CNKSR1: variants seen among roughly 807,000 people sequenced by gnomAD.
CNKSR1 encodes the protein connector enhancer of kinase suppressor of Ras 1, also known as CNK homolog protein 1.
Under a neutral mutation model 95.6 loss-of-function variants are expected in CNKSR1, and 88 were observed. That is an observed-to-expected ratio of 0.92 (90% CI 0.78 to 1.10). The LOEUF (loss-of-function observed/expected upper bound fraction) is 1.10, where lower values mean the gene tolerates loss of function less well. CNKSR1 is among the 50% of genes least tolerant of loss of function. The pLI is 0.00. For synonymous variants in CNKSR1, 355 were observed against 369.7 expected (o/e 0.96, Z 0.46); for missense variants, 836 against 912.0 (o/e 0.92, Z 1.07).
chr1:26,177,544 G>T lies in CNKSR1; in HGVS notation c.-4G>T, dbSNP rs372083929. On this transcript the variant is annotated 5_prime_UTR_variant, in exon 1 of 21. Transcript: ENST00000361530. ...GAGCTGATTCGAGCTGGCAGAGCTG[G>T]GCCATGGAACCGGTAGAGACCTGGA... is the stretch of plus-strand genomic sequence containing the variant. 5.6e-6 allele frequency: 9 copies of T among 1,614,110 alleles called. No individual in the cohort carries two copies. In the South Asian group the frequency reaches 6.6e-5, roughly 12 times the overall value.
Position 26,183,360 on chromosome 1 carries a change from C to G in CNKSR1, c.699C>G (p.Ser233=). The part of the protein sequence containing the change: ...SQVDTQVPTD[S]RLQIQPGDEV... ...CCCCACGTCAGGTTCCCACTGACTC[C>G]CGACTGCAGATCCAGCCTGGAGACG... The change falls in exon 8 of 21, where the codon TCC becomes TCG. Residue 233 remains serine, a synonymous_variant. Transcript: ENST00000361530. The G allele has an allele frequency of 6.2e-7, 1 of 1,614,178 alleles. No homozygotes were observed. The highest frequency in any genetic ancestry group is 8.5e-7 in the Non-Finnish European group (1 of 1,180,026).
chr1:26,177,641 G>A (rs777462028), intron 1 of CNKSR1, 42 bp downstream of exon 1: 3 of 1,608,454 alleles, frequency 1.9e-6, no homozygotes, highest in Non-Finnish European at 2.6e-6. Flanking sequence ...AGGGGACTAG[G>A]TGTGGTGTCC....
At position 26,185,169 on chromosome 1, in the gene CNKSR1, T is replaced by A; in HGVS notation, c.1291T>A (p.Trp431Arg). 6.4e-7 allele frequency: 1 copy of A among 1,558,122 alleles called. No homozygotes were observed. Among genetic ancestry groups the A allele is most frequent in the Non-Finnish European group, 8.7e-7 (1 of 1,151,114 alleles). Residue 431 changes from tryptophan to arginine, a missense_variant, in exon 14 of 21, where the codon TGG (tryptophan) becomes AGG (arginine). Trp to Arg is a moderately radical substitution (Grantham distance 101). Coordinates refer to ENST00000361530, the MANE Select transcript of CNKSR1 (RefSeq NM_006314.3). The part of the protein sequence containing the change: ...WFVLKGHTLY[W>R]YRQPQDEKAE... ...TGTGCTCAAGGGACACACGCTCTAC[T>A]GGTACCGCCAGCCCCAGGTAAGACC...
intron 14 of CNKSR1, chr1:26,186,914 CTTT>C (rs149700663): frequency 7.3e-4 from 288 of 396,378 alleles, no homozygotes; most frequent in South Asian, 1.2e-3. Context: ...TCAGGCTCCT[CTTT>C]TTTTTTTTTT....
intron 14 of CNKSR1, among the ~76,000 whole-genome samples, chr1:26,185,446 G>A (rs530626840): frequency 4.1e-4 from 61 of 149,012 alleles, no homozygotes; most frequent in African/African-American, 1.4e-3. Context: ...AGGCCGGAGT[G>A]CAGTGGCATC....
intron 1 of CNKSR1, among the ~76,000 whole-genome samples, chr1:26,178,279 G>T (rs1415214777): frequency 6.6e-6 from 1 of 151,992 alleles, no homozygotes; most frequent in Non-Finnish European, 1.5e-5. Flanking sequence ...CTTAGAGTCA[G>T]AAACTGACAC....
chr1:26,181,760 A>G lies in CNKSR1; in HGVS notation c.393-97A>G, dbSNP rs2088650904. Reference sequence around the variant, plus strand: ...TAAACCAAAACCCATCAGAGCAGGTATTATCCCCAAGTCTCTGAGGTGAGT... The same window carrying G: ...TAAACCAAAACCCATCAGAGCAGGTGTTATCCCCAAGTCTCTGAGGTGAGT... On this transcript the variant is annotated intron_variant, in intron 3 of 20. Coordinates refer to ENST00000361530, the MANE Select transcript of CNKSR1 (RefSeq NM_006314.3). 4 of 1,160,242 alleles carry G rather than the reference A, an allele frequency of 3.4e-6. No individual in the cohort carries two copies. The Admixed American group carries it at 6.9e-5, about 20-fold the overall frequency. 71.9% of individuals were successfully genotyped at this position (1,160,242 alleles called of 1,614,324 possible). A position where few individuals can be genotyped will look rare whatever the true frequency, so the allele number is the denominator to read the frequency against.
At position 26,185,108 on chromosome 1, in the gene CNKSR1, CGGCTTCATG is replaced by C. The variant is rs2124513275; in HGVS notation, c.1234_1242del (p.Phe412_Gly414del). The stretch of plus-strand genomic sequence containing the variant: ...GGCTCCTGTTGCGAAAGGCACCGGG[CGGCTTCATG>C]GGCCCGCGCTGGCGCCGCCGCTGGT... On this transcript the variant is annotated inframe_deletion, in exon 14 of 21. Transcript: ENST00000361530. 1 of 1,601,882 alleles carries C rather than the reference CGGCTTCATG, an allele frequency of 6.2e-7. No homozygotes were observed. The highest frequency in any genetic ancestry group is 2.3e-5 in the East Asian group (1 of 44,380).
rs374707356 is a variant in CNKSR1 at position 26,187,454 on chromosome 1, G to T, written c.1426G>T (p.Ala476Ser). The T allele has an allele frequency of 4.3e-6, 7 of 1,613,814 alleles. No individual in the cohort carries two copies. In the African/African-American group the frequency reaches 8.0e-5, roughly 18 times the overall value. Residue 476 changes from alanine (A) to serine (S), a missense_variant, in exon 16 of 21, where the codon GCT becomes TCT. By Grantham distance (99) the Ala-to-Ser change is moderately conservative (BLOSUM62 1). Transcript: ENST00000361530. ...TGATGTGTACAAACCCTTCATCTTC[G>T]CTGCTGATACCCTGACAGATCTGAG... ...THDVYKPFIFAADTLTDLSMW... is the reference protein window; with the variant it reads ...THDVYKPFIFSADTLTDLSMW...
At position 26,177,563 on chromosome 1, in the gene CNKSR1, A is replaced by T; in HGVS notation, c.16A>T (p.Thr6Ser). 1 of 1,614,022 alleles carries T rather than the reference A, an allele frequency of 6.2e-7. No individual in the cohort carries two copies. Among genetic ancestry groups the T allele is most frequent in the Non-Finnish European group, 8.5e-7 (1 of 1,180,008 alleles). Reference sequence around the variant, plus strand: ...GAGCTGGGCCATGGAACCGGTAGAGACCTGGACCCCCGGAAAGGTGGCAAC... The same window carrying T: ...GAGCTGGGCCATGGAACCGGTAGAGTCCTGGACCCCCGGAAAGGTGGCAAC... MEPVE[T>S]WTPGKVATWL... Residue 6 changes from threonine to serine, a missense_variant, in exon 1 of 21, where the codon ACC (threonine) becomes TCC (serine). Physicochemically the swap from Thr to Ser is moderately conservative, Grantham distance 58 (BLOSUM62 1). Coordinates refer to ENST00000361530, the MANE Select transcript of CNKSR1 (RefSeq NM_006314.3).
intron 6 of CNKSR1, 37 bp from the exon 7 acceptor site, chr1:26,183,160 C>T (rs1379004809): frequency 6.2e-7 from 1 of 1,609,966 alleles, no homozygotes; most frequent in African/African-American, 1.3e-5. Flanking sequence ...CCCTGTTGCC[C>T]CCCAGCCCCC....
chr1:26,188,093 T>G, intron 16 of CNKSR1, 141 bp from the exon 17 acceptor site: 2 of 760,248 alleles, frequency 2.6e-6, no homozygotes, highest in Non-Finnish European at 2.3e-6. Context: ...AGTTTCATCA[T>G]CTATAAAATG....
chr1:26,182,141 C>T (rs2088657075), intron 4 of CNKSR1, 200 bp downstream of exon 4: 2 of 719,292 alleles, frequency 2.8e-6, no homozygotes, highest in Non-Finnish European at 2.4e-6. Flanking sequence ...ACACTCAGGA[C>T]AGGGAAGGAG....
chr1:26,181,038 G>A, intron 3 of CNKSR1, 142 bp downstream of exon 3: 1 of 1,034,834 alleles, frequency 9.7e-7, no homozygotes. Context: ...CCAGCACTTT[G>A]GGAGGCCGAA....
chr1:26,178,174 A>G (rs1385248339), intron 1 of CNKSR1, among the ~76,000 whole-genome samples: 1 of 152,214 alleles, frequency 6.6e-6, no homozygotes, highest in Non-Finnish European at 1.5e-5. Context: ...AGGCGGTGTC[A>G]TGAAAACAGG....
At chr1:26,183,157 GC>G (rs764753403) in intron 6 of CNKSR1, 39 bp from the exon 7 acceptor site, 2 of 1,606,234 alleles carry the variant, frequency 1.2e-6, no homozygotes, top group Non-Finnish European at 1.7e-6. Context: ...TGGCCCTGTT[GC>G]CCCCCAGCCC....
Position 26,188,916 on chromosome 1 carries a change from G to A in CNKSR1, c.1835G>A (p.Arg612Gln), listed in dbSNP as rs778175856. The change falls in exon 20 of 21, where the codon CGA (arginine) becomes CAA (glutamine). Residue 612 changes from arginine to glutamine, a missense_variant. Transcript: ENST00000361530. ...RRNRDPQLNE[R>Q]VHRVRALQST... ...AACCGAGACCCTCAGCTCAATGAGC[G>A]AGTGCACCGTGTGCGGGCGCTACAG... The A allele has an allele frequency of 3.7e-6, 6 of 1,613,836 alleles. No homozygotes were observed. The East Asian group carries it at 8.9e-5, about 24-fold the overall frequency.
intron 15 of CNKSR1, 68 bp from the exon 16 acceptor site, chr1:26,187,343 G>A: frequency 6.2e-7 from 1 of 1,600,862 alleles, no homozygotes; most frequent in South Asian, 1.1e-5. Context: ...GGGGCGCCCA[G>A]AATCCAGCCT....
At chr1:26,178,922 A>AAC (rs150325045) in intron 1 of CNKSR1, among the ~76,000 whole-genome samples, 3 of 151,864 alleles carry the variant, frequency 2.0e-5, no homozygotes, top group South Asian at 2.1e-4. Context: ...TGACACAGGG[A>AAC]ACACACACAC....
Sources: allele counts gnomAD v4.1 joint callset (sites outside exome capture counted in the v4.1 genomes callset), GRCh38; gene constraint gnomAD v4.1.1; transcripts MANE v1.5; gene names NCBI Gene and HGNC (gene_info 2026-07-23, HGNC 2026-07-21).